The following MYO6 variants were observed in gnomAD, a reference collection of about 807,000 sequenced individuals.
MYO6 encodes myosin VI.
In MYO6, 74 loss-of-function variants were observed where a neutral mutation model predicts 178.7. The observed-to-expected ratio is 0.41, with a 90% CI of 0.34 to 0.50. The LOEUF (loss-of-function observed/expected upper bound fraction) is 0.50. Ranked by LOEUF, MYO6 falls within the 20% of genes least tolerant of loss-of-function variation. The pLI, the probability that MYO6 is intolerant of heterozygous loss-of-function variation, is 0.09. For missense variants in MYO6, 1,330 were observed against 1,547.4 expected, an observed-to-expected ratio of 0.86 and a Z score of 2.36; for synonymous variants, 477 against 504.6, an observed-to-expected ratio of 0.95 and a Z score of 0.73.
At chr6:75,796,733 G>T (rs1189994725) in intron 1 of MYO6, among the ~76,000 whole-genome samples, 1 of 151,604 alleles carries the variant, frequency 6.6e-6, no homozygotes, top group African/African-American at 2.4e-5. Context: ...CTCTCAGAGT[G>T]CTGGAATTAC....
intron 30 of MYO6, among the ~76,000 whole-genome samples, chr6:75,900,197 C>G (rs1216348999): frequency 6.6e-6 from 1 of 151,866 alleles, no homozygotes; most frequent in South Asian, 2.1e-4. Flanking sequence ...AATAAACATA[C>G]GTGTGCATGT....
intron 1 of MYO6, among the ~76,000 whole-genome samples, chr6:75,759,062 G>C (rs1777726516): frequency 6.6e-6 from 1 of 151,836 alleles, no homozygotes. Flanking sequence ...TGGAGACGGG[G>C]TTTCACCATG....
At chr6:75,821,166 C>A (rs557049966) in intron 2 of MYO6, among the ~76,000 whole-genome samples, 1 of 152,282 alleles carries the variant, frequency 6.6e-6, no homozygotes, top group Non-Finnish European at 1.5e-5. Context: ...TTAACTTTCT[C>A]ATTCCAGCAA....
chr6:75,833,447 C>G (rs940616063), intron 6 of MYO6, among the ~76,000 whole-genome samples: 1 of 152,150 alleles, frequency 6.6e-6, no homozygotes, highest in Non-Finnish European at 1.5e-5. Context: ...AAAACTTGAC[C>G]CATGCAACAA....
At chr6:75,858,774 A>AAT in intron 13 of MYO6, 128 bp from the exon 14 acceptor site, 2 of 651,802 alleles carry the variant, frequency 3.1e-6, no homozygotes, top group Non-Finnish European at 5.3e-6. Context: ...GTATAGAACA[A>AAT]ATATATATAA....
chr6:75,858,824 CA>C, intron 13 of MYO6, 77 bp from the exon 14 acceptor site: 1 of 832,544 alleles, frequency 1.2e-6, no homozygotes, highest in Non-Finnish European at 2.0e-6. Context: ...GCCATTATTA[CA>C]ATTACATTTT....
At chr6:75,766,901 A>G (rs1042184094) in intron 1 of MYO6, among the ~76,000 whole-genome samples, 2 of 152,218 alleles carry the variant, frequency 1.3e-5, no homozygotes, top group Non-Finnish European at 2.9e-5. Context: ...CATCACAATA[A>G]TTTGAAAATT....
At chr6:75,777,368 G>A (rs2150040035) in intron 1 of MYO6, among the ~76,000 whole-genome samples, 1 of 151,746 alleles carries the variant, frequency 6.6e-6, no homozygotes, top group South Asian at 2.1e-4. Flanking sequence ...CAGACTTTGG[G>A]TTTAAAAGAT....
chr6:75,792,080 T>C (rs1381800952), intron 1 of MYO6, among the ~76,000 whole-genome samples: 2 of 152,216 alleles, frequency 1.3e-5, no homozygotes, highest in Non-Finnish European at 2.9e-5. Context: ...CACTTAAATT[T>C]CCTGCCTGTT....
chr6:75,868,133 A>T (rs1357341219), intron 18 of MYO6, among the ~76,000 whole-genome samples: 2 of 152,068 alleles, frequency 1.3e-5, no homozygotes, highest in Admixed American at 1.3e-4. Flanking sequence ...TTGGATTGAA[A>T]TGGGCTCTAA....
chr6:75,906,992 G>A (rs545042124), intron 30 of MYO6, among the ~76,000 whole-genome samples: 1 of 152,282 alleles, frequency 6.6e-6, no homozygotes, highest in African/African-American at 2.4e-5. Context: ...AGCCTACAAA[G>A]TAAGAGTTTC....
intron 1 of MYO6, among the ~76,000 whole-genome samples, chr6:75,764,693 T>C (rs1176220441): frequency 1.3e-5 from 2 of 152,142 alleles, no homozygotes; most frequent in Non-Finnish European, 2.9e-5. Context: ...TTATGTGGAT[T>C]ATATCTATTG....
rs141299984 is a variant in MYO6 at position 75,816,707 on chromosome 6, C to T, written c.-47-794C>T. On this transcript the variant is annotated intron_variant, in intron 1 of 34. Transcript: ENST00000369977. Reference sequence around the variant, plus strand: ...TTCTCAGAGAGTGAGGGAAAGTTTCCCAGAGATAATAATCTCTCTTTTTAT... The same window carrying T: ...TTCTCAGAGAGTGAGGGAAAGTTTCTCAGAGATAATAATCTCTCTTTTTAT... Among the ~76,000 whole-genome samples the T allele has an allele frequency of 4.5e-3, 690 of 152,236 alleles. 10 individuals carry two copies. Among genetic ancestry groups the T allele is most frequent in the African/African-American group, 0.016 (668 of 41,534 alleles).
At chr6:75,799,898 CT>C (rs1769271901) in intron 1 of MYO6, among the ~76,000 whole-genome samples, 1 of 152,158 alleles carries the variant, frequency 6.6e-6, no homozygotes, top group African/African-American at 2.4e-5. Flanking sequence ...GATATTATCA[CT>C]TTAGTTATTC....
intron 1 of MYO6, among the ~76,000 whole-genome samples, chr6:75,790,140 T>C (rs1291385630): frequency 1.3e-5 from 2 of 152,222 alleles, no homozygotes; most frequent in African/African-American, 4.8e-5. Context: ...CTTGTATAAA[T>C]AAACTTTTGA....
At chr6:75,779,029 G>A (rs1390377625) in intron 1 of MYO6, among the ~76,000 whole-genome samples, 3 of 135,852 alleles carry the variant, frequency 2.2e-5, no homozygotes, top group African/African-American at 8.8e-5. Context: ...TGCATTCTAG[G>A]CTGGATGACA....
In MYO6 at chr6:75,918,279, C is replaced by G. The variant is rs1036016933; in HGVS notation, c.*3267C>G. On this transcript the variant is annotated 3_prime_UTR_variant, in exon 35 of 35. Transcript: ENST00000369977. ...GATGGAAGGGGAGGGCAAAGGATAT[C>G]TAAACATGAGAATAAGGACATGTTA... The G allele has an allele frequency of 2.0e-5, 3 of 151,842 alleles. No homozygotes were observed. Among genetic ancestry groups the G allele is most frequent in the Non-Finnish European group, 4.4e-5 (3 of 67,974 alleles). 9.4% of individuals were successfully genotyped at this position (151,842 alleles called of 1,614,324 possible). A position where few individuals can be genotyped will look rare whatever the true frequency, so the allele number is the denominator to read the frequency against.
At chr6:75,881,651 A>T (rs770826423) in intron 22 of MYO6, 38 bp from the exon 23 acceptor site, 17 of 1,594,312 alleles carry the variant, frequency 1.1e-5, no homozygotes, top group African/African-American at 5.4e-5. Context: ...AAATGCATTT[A>T]TATTTTAATA....
chr6:75,756,443 C>T (rs957196460), intron 1 of MYO6, among the ~76,000 whole-genome samples: 4 of 152,134 alleles, frequency 2.6e-5, no homozygotes, highest in Non-Finnish European at 5.9e-5. Context: ...AGCGATTCCC[C>T]TGCCTCAGCC....
Sources: allele counts gnomAD v4.1 joint callset (sites outside exome capture counted in the v4.1 genomes callset), GRCh38; gene constraint gnomAD v4.1.1; transcripts MANE v1.5; gene names NCBI Gene and HGNC (gene_info 2026-07-23, HGNC 2026-07-21).